The following DLGAP2 variants were observed in gnomAD, a reference collection of about 807,000 sequenced individuals.
DLGAP2 encodes disks large-associated protein 2.
Under a neutral mutation model 100.3 loss-of-function variants are expected in DLGAP2, and 26 were observed. The ratio of observed to expected loss-of-function variants is 0.26; its 90% CI spans 0.19 to 0.36. The LOEUF (loss-of-function observed/expected upper bound fraction) is 0.36. Ranked by LOEUF, DLGAP2 falls within the 10% of genes least tolerant of loss-of-function variation. The pLI, the probability that DLGAP2 is intolerant of heterozygous loss-of-function variation, is 1.00. For synonymous variants in DLGAP2, 886 were observed against 630.1 expected (o/e 1.41, Z -6.08); for missense variants, 1,858 against 1,453.2 (o/e 1.28, Z -4.53).
At chr8:1,036,683 C>A (rs144021175) in intron 2 of DLGAP2, among the ~76,000 whole-genome samples, 1 of 152,052 alleles carries the variant, frequency 6.6e-6, no homozygotes, top group South Asian at 2.1e-4. Context: ...GAGCAGCTGT[C>A]GTGTACATGG....
intron 6 of DLGAP2, among the ~76,000 whole-genome samples, chr8:1,589,087 T>G (rs988675259): frequency 6.6e-6 from 1 of 152,212 alleles, no homozygotes; most frequent in Non-Finnish European, 1.5e-5. Flanking sequence ...AATGTATGAA[T>G]GCACAGTAAT....
chr8:1,023,284 C>A (rs542198315), intron 2 of DLGAP2, among the ~76,000 whole-genome samples: 1 of 152,148 alleles, frequency 6.6e-6, no homozygotes, highest in East Asian at 1.9e-4. Context: ...TAGGTCTGTT[C>A]GCTGGGCTCT....
intron 2 of DLGAP2, among the ~76,000 whole-genome samples, chr8:956,182 A>G (rs551429155): frequency 6.6e-6 from 1 of 152,258 alleles, no homozygotes; most frequent in Admixed American, 6.5e-5. Flanking sequence ...TTTTGAGTTT[A>G]TTTCTCACGG....
intron 3 of DLGAP2, among the ~76,000 whole-genome samples, chr8:1,272,474 C>T (rs1187126443): frequency 6.6e-6 from 1 of 151,696 alleles, no homozygotes; most frequent in Non-Finnish European, 1.5e-5. Context: ...ATATAGAAAA[C>T]ATATATATTA....
At chr8:1,301,726 C>T (rs1800346649) in intron 3 of DLGAP2, 2 of 152,286 alleles carry the variant, frequency 1.3e-5, no homozygotes, top group South Asian at 2.1e-4. Flanking sequence ...TGTCAGGAGG[C>T]CTCTGATGTT....
intron 3 of DLGAP2, among the ~76,000 whole-genome samples, chr8:1,320,202 A>C (rs1003469442): frequency 1.3e-5 from 2 of 152,002 alleles, no homozygotes; most frequent in Non-Finnish European, 1.5e-5. Context: ...GTTTCCGGAA[A>C]TGGGGAAGGG....
At chr8:1,335,971 G>A (rs1193021317) in intron 3 of DLGAP2, among the ~76,000 whole-genome samples, 1 of 152,152 alleles carries the variant, frequency 6.6e-6, no homozygotes, top group Non-Finnish European at 1.5e-5. Context: ...TAGAACTGGG[G>A]CTTTGTGCTT....
intron 3 of DLGAP2, chr8:1,301,116 A>G (rs1179430465): frequency 6.6e-6 from 1 of 152,358 alleles, no homozygotes; most frequent in Non-Finnish European, 1.5e-5. Flanking sequence ...AGGCCATGCC[A>G]TTTCTCATAG....
At chr8:826,545 T>A (rs1453358931) in intron 1 of DLGAP2, among the ~76,000 whole-genome samples, 6 of 152,176 alleles carry the variant, frequency 3.9e-5, no homozygotes, top group African/African-American at 1.4e-4. Flanking sequence ...TTCACCTTTT[T>A]GGGTGCTGGG....
At chr8:1,412,530 G>A (rs1318173184) in intron 3 of DLGAP2, among the ~76,000 whole-genome samples, 1 of 152,166 alleles carries the variant, frequency 6.6e-6, no homozygotes, top group Non-Finnish European at 1.5e-5. Context: ...TCTCAGCTTG[G>A]CCTTGTGTAT....
At chr8:1,202,711 C>G (rs1192113681) in intron 2 of DLGAP2, among the ~76,000 whole-genome samples, 1 of 152,140 alleles carries the variant, frequency 6.6e-6, no homozygotes, top group Non-Finnish European at 1.5e-5. Flanking sequence ...CCCTACTGCC[C>G]AACGCTTCCT....
chr8:1,442,683 G>T (rs1345172451), intron 3 of DLGAP2, among the ~76,000 whole-genome samples: 3 of 148,670 alleles, frequency 2.0e-5, no homozygotes, highest in Admixed American at 6.7e-5. Context: ...CCGCCAGGCT[G>T]CTGTGGGTTC....
intron 2 of DLGAP2, among the ~76,000 whole-genome samples, chr8:1,111,596 C>A (rs1227091576): frequency 6.6e-6 from 1 of 152,074 alleles, no homozygotes; most frequent in Non-Finnish European, 1.5e-5. Context: ...GTGTTCTTCC[C>A]CTCTGTGTGT....
intron 3 of DLGAP2, among the ~76,000 whole-genome samples, chr8:1,344,565 A>G (rs938441255): frequency 6.6e-6 from 1 of 152,198 alleles, no homozygotes; most frequent in African/African-American, 2.4e-5. Flanking sequence ...CAGAGATTCT[A>G]TGGAGTAATT....
intron 3 of DLGAP2, among the ~76,000 whole-genome samples, chr8:1,366,970 C>A (rs530252760): frequency 6.7e-6 from 1 of 149,712 alleles, no homozygotes; most frequent in Non-Finnish European, 1.5e-5. Context: ...CCAACACACA[C>A]GCACGTGACC....
intron 3 of DLGAP2, among the ~76,000 whole-genome samples, chr8:1,266,977 C>T (rs942597213): frequency 6.6e-6 from 1 of 151,882 alleles, no homozygotes; most frequent in East Asian, 1.9e-4. Context: ...GCCTATAATC[C>T]CAGCACATTG....
At chr8:893,318 G>A (rs762607610) in intron 1 of DLGAP2, among the ~76,000 whole-genome samples, 24 of 152,322 alleles carry the variant, frequency 1.6e-4, no homozygotes, top group Non-Finnish European at 2.6e-4. Flanking sequence ...AGGCAGGCAC[G>A]GTGGAAGACC....
intron 2 of DLGAP2, among the ~76,000 whole-genome samples, chr8:921,670 C>T (rs979545262): frequency 6.6e-6 from 1 of 152,240 alleles, no homozygotes; most frequent in African/African-American, 2.4e-5. Context: ...CTGTTCTGTA[C>T]CTGTCACGGC....
In DLGAP2 at chr8:1,508,620, C is replaced by T. The variant is rs1425762055; in HGVS notation, c.172+7189C>T. On this transcript the variant is annotated intron_variant, in intron 4 of 14. Coordinates refer to ENST00000637795, the MANE Select transcript of DLGAP2 (RefSeq NM_001346810.2). The stretch of plus-strand genomic sequence containing the variant: ...GGTGTTTTCTCCTCTGTGGGATGTG[C>T]CAGTAAGAATGACCTGGAAGCTCCC... Among the ~76,000 whole-genome samples the T allele has an allele frequency of 2.7e-5, 4 of 146,500 alleles. No homozygotes were observed. The East Asian group carries it at 8.3e-4, about 31-fold the overall frequency.
Sources: allele counts gnomAD v4.1 joint callset (sites outside exome capture counted in the v4.1 genomes callset), GRCh38; gene constraint gnomAD v4.1.1; transcripts MANE v1.5; gene names NCBI Gene and HGNC (gene_info 2026-07-23, HGNC 2026-07-21).